Variants in DIS3L2 observed in about 807,000 individuals in gnomAD.
The protein encoded by DIS3L2 is DIS3 like 3'-5' exoribonuclease 2.
In DIS3L2, 34 loss-of-function variants were observed where a neutral mutation model predicts 97.5. The observed-to-expected ratio is 0.35, with a 90% CI of 0.27 to 0.46. DIS3L2 has a LOEUF of 0.46. Among genes scored for constraint, DIS3L2 ranks in the 20% least tolerant of loss-of-function variants. The pLI is 1.00. For missense variants in DIS3L2, 1,038 were observed against 1,146.0 expected, an observed-to-expected ratio of 0.91 and a Z score of 1.36; for synonymous variants, 435 against 445.2, an observed-to-expected ratio of 0.98 and a Z score of 0.29.
At chr2:232,005,178 T>TTTA (rs1346642938) in intron 1 of DIS3L2, among the ~76,000 whole-genome samples, 3 of 150,062 alleles carry the variant, frequency 2.0e-5, no homozygotes, top group East Asian at 3.9e-4. Context: ...TGATTTTTTT[T>TTTA]TTTTTTTTTT....
Position 232,058,692 on chromosome 2 carries a change from A to C in DIS3L2, c.366+28612A>C, listed in dbSNP as rs115647277. ...CTCTTTCTTGAGTCAATAAGGAGTTAGATAATGCCCCTACTTTTCCCAGTG... is the reference window on the plus strand; with the variant it reads ...CTCTTTCTTGAGTCAATAAGGAGTTCGATAATGCCCCTACTTTTCCCAGTG... On this transcript the variant is annotated intron_variant, in intron 5 of 20. Coordinates refer to ENST00000325385, the MANE Select transcript of DIS3L2 (RefSeq NM_152383.5). Among the ~76,000 whole-genome samples, 1,459 of 152,300 alleles carry C rather than the reference A, an allele frequency of 9.6e-3. 18 individuals are homozygous for C. Among genetic ancestry groups the C allele is most frequent in the South Asian group, 0.024 (117 of 4,828 alleles).
At chr2:232,334,815 T>C (rs1575028353) in intron 19 of DIS3L2, 80 bp downstream of exon 19, 2 of 1,281,534 alleles carry the variant, frequency 1.6e-6, no homozygotes, top group South Asian at 2.7e-5. Flanking sequence ...CTGTGATGGG[T>C]CACACTCCAC....
intron 5 of DIS3L2, among the ~76,000 whole-genome samples, chr2:232,069,060 G>T (rs1695936870): frequency 6.6e-6 from 1 of 151,968 alleles, no homozygotes; most frequent in African/African-American, 2.4e-5. Context: ...CAAGTGATCT[G>T]CCCGCCTCAG....
intron 16 of DIS3L2, among the ~76,000 whole-genome samples, chr2:232,332,751 G>A (rs1028495195): frequency 6.6e-5 from 10 of 152,202 alleles, no homozygotes; most frequent in African/African-American, 1.7e-4. Flanking sequence ...CTGGCAGGCC[G>A]GAAACTGCCT....
At chr2:232,149,865 C>T (rs1221646079) in intron 8 of DIS3L2, among the ~76,000 whole-genome samples, 3 of 9,740 alleles carry the variant, frequency 3.1e-4, no homozygotes, top group South Asian at 1.9e-3. Flanking sequence ...CCTGTTGTTT[C>T]CTGACTTTTT....
chr2:231,966,583 GCCTCT>G lies in DIS3L2; in HGVS notation c.-94+4819_-94+4823del, dbSNP rs1692721250. 2.0e-5 allele frequency among the ~76,000 whole-genome samples: 3 copies of G among 148,302 alleles called. No homozygotes were observed. In the South Asian group the frequency reaches 6.5e-4, roughly 32 times the overall value. On this transcript the variant is annotated intron_variant, in intron 1 of 20. Transcript: ENST00000325385. ...AGGCTCGAGTGATCTTCCCACCTGA[GCCTCT>G]TGAGTAGCTGGGTCTACAGGCATGA...
At chr2:232,336,337 T>C (rs1335493937) in intron 20 of DIS3L2, 132 bp from the exon 21 acceptor site, 1 of 1,546,952 alleles carries the variant, frequency 6.5e-7, no homozygotes, top group Non-Finnish European at 8.7e-7. Flanking sequence ...GGGCCCCCAT[T>C]ACAGACAGGC....
In DIS3L2 at chr2:232,284,222, C is replaced by T. The variant is rs377030747; in HGVS notation, c.1660-15818C>T. 1.9e-4 allele frequency among the ~76,000 whole-genome samples: 29 copies of T among 152,246 alleles called. 1 individual carries two copies. The East Asian group carries it at 2.5e-3, about 13-fold the overall frequency. ...AACTAGAAGAGGGTCCAGGTTTTAT[C>T]GCCTGTCAGATGTGAGCTTAGGCTC... On this transcript the variant is annotated intron_variant, in intron 13 of 20. Coordinates refer to ENST00000325385, the MANE Select transcript of DIS3L2 (RefSeq NM_152383.5).
intron 1 of DIS3L2, among the ~76,000 whole-genome samples, chr2:232,011,969 A>G (rs1290913695): frequency 1.3e-5 from 2 of 152,156 alleles, no homozygotes; most frequent in African/African-American, 4.8e-5. Context: ...TTCATTTTCT[A>G]CTTAGCATTT....
intron 6 of DIS3L2, among the ~76,000 whole-genome samples, chr2:232,105,207 T>C (rs1697327141): frequency 6.6e-6 from 1 of 152,220 alleles, no homozygotes; most frequent in Non-Finnish European, 1.5e-5. Context: ...AAATGAACAT[T>C]GGTGTACAAC....
chr2:231,996,646 T>G (rs1267818812), intron 1 of DIS3L2, among the ~76,000 whole-genome samples: 1 of 152,230 alleles, frequency 6.6e-6, no homozygotes. Flanking sequence ...TTTCTTTTGC[T>G]GAAATATTTT....
rs1374643340 is a variant in DIS3L2 at position 232,291,230 on chromosome 2, A to G, written c.1660-8810A>G. 3.9e-5 allele frequency among the ~76,000 whole-genome samples: 6 copies of G among 152,372 alleles called. No individual in the cohort carries two copies. The East Asian group carries it at 1.2e-3, about 29-fold the overall frequency. ...TCTTATAAAAGAAAGCAAAAAGGAGATGGAAAAAAAGAAATTATACTTAGG... is the reference window on the plus strand; with the variant it reads ...TCTTATAAAAGAAAGCAAAAAGGAGGTGGAAAAAAAGAAATTATACTTAGG... On this transcript the variant is annotated intron_variant, in intron 13 of 20. Transcript: ENST00000325385.
chr2:232,289,175 T>C (rs1694529562), intron 13 of DIS3L2, among the ~76,000 whole-genome samples: 1 of 152,150 alleles, frequency 6.6e-6, no homozygotes, highest in African/African-American at 2.4e-5. Flanking sequence ...GGCTTGATAT[T>C]GGAAATATTC....
chr2:232,324,538 T>A (rs941496298), intron 14 of DIS3L2, among the ~76,000 whole-genome samples: 2 of 152,120 alleles, frequency 1.3e-5, no homozygotes, highest in Non-Finnish European at 2.9e-5. Context: ...CCAAGGCCAC[T>A]CTCTGAGTGT....
At chr2:231,983,870 C>T (rs2106181899) in intron 1 of DIS3L2, among the ~76,000 whole-genome samples, 1 of 141,424 alleles carries the variant, frequency 7.1e-6, no homozygotes, top group African/African-American at 2.6e-5. Flanking sequence ...GCCTTGGCAA[C>T]AGAGTGAGAC....
At chr2:232,304,409 C>T (rs1694936072) in intron 14 of DIS3L2, among the ~76,000 whole-genome samples, 1 of 152,162 alleles carries the variant, frequency 6.6e-6, no homozygotes, top group Non-Finnish European at 1.5e-5. Flanking sequence ...AGTGCATGCC[C>T]TCAGGGTTTG....
Position 232,336,666 on chromosome 2 carries a change from C to T in DIS3L2, c.*36C>T, listed in dbSNP as rs1166768191. ...CCGCCTGCCCCGCCTGCCCCGCCTGCCTGTCCCGCCACACTGGCTTTAGGA... is the reference window on the plus strand; with the variant it reads ...CCGCCTGCCCCGCCTGCCCCGCCTGTCTGTCCCGCCACACTGGCTTTAGGA... On this transcript the variant is annotated 3_prime_UTR_variant, in exon 21 of 21. Transcript: ENST00000325385. 3.7e-5 allele frequency: 58 copies of T among 1,552,532 alleles called. No homozygotes were observed. The highest frequency in any genetic ancestry group is 4.9e-5 in the Non-Finnish European group (56 of 1,152,714).
In DIS3L2 at chr2:232,125,387, A is replaced by G. The variant is rs191376993; in HGVS notation, c.602-5232A>G. ...TTTCAGGAGGTCCCATGCCATTTAA[A>G]TAATATCTTGATACAGGTTTTCATG... is the stretch of plus-strand genomic sequence containing the variant. On this transcript the variant is annotated intron_variant, in intron 6 of 20. Coordinates refer to ENST00000325385, the MANE Select transcript of DIS3L2 (RefSeq NM_152383.5). 7.2e-4 allele frequency among the ~76,000 whole-genome samples: 109 copies of G among 152,342 alleles called. No individual in the cohort carries two copies. The South Asian group carries it at 8.7e-3, about 12-fold the overall frequency.
In DIS3L2 at chr2:232,271,396, A is replaced by C. The variant is rs1056510659; in HGVS notation, c.1659+7956A>C. ...AATAATTATAAGGAAATCCAGTTGA[A>C]AACAGAATCGCTCTGTATAATCTGT... is the stretch of plus-strand genomic sequence containing the variant. On this transcript the variant is annotated intron_variant, in intron 13 of 20. Transcript: ENST00000325385. Among the ~76,000 whole-genome samples the C allele has an allele frequency of 2.6e-5, 4 of 152,328 alleles. No individual in the cohort carries two copies. The East Asian group carries it at 7.7e-4, about 29-fold the overall frequency.
Sources: gnomAD v4.1 joint callset for allele counts (sites outside exome capture counted in the v4.1 genomes callset) on GRCh38, gnomAD v4.1.1 for gene constraint, MANE v1.5 for transcripts, NCBI Gene and HGNC (gene_info 2026-07-23, HGNC 2026-07-21) for gene names.